SLC20A2: variants seen among roughly 807,000 people sequenced by gnomAD.
SLC20A2 encodes the protein sodium-dependent phosphate transporter 2.
SLC20A2 carries 30 observed loss-of-function variants against 61.0 expected under a neutral mutation model. The ratio of observed to expected loss-of-function variants is 0.49; its 90% confidence interval spans 0.37 to 0.67. The LOEUF is 0.67. Ranked by LOEUF, SLC20A2 falls within the 30% of genes least tolerant of loss-of-function variation. The pLI is 0.00. For synonymous variants in SLC20A2, 351 were observed against 353.3 expected (o/e 0.99, Z 0.07); for missense variants, 626 against 866.4 (o/e 0.72, Z 3.48).
intron 5 of SLC20A2, among the ~76,000 whole-genome samples, chr8:42,447,539 G>T (rs531566646): frequency 6.6e-6 from 1 of 151,878 alleles, no homozygotes; most frequent in Admixed American, 6.6e-5. Context: ...TTAGCCAGGC[G>T]TGGTGGTGGG....
At chr8:42,455,290 A>AGAGAGAGAGAGC (rs1563478498) in intron 5 of SLC20A2, among the ~76,000 whole-genome samples, 12 of 139,624 alleles carry the variant, frequency 8.6e-5, no homozygotes, top group African/African-American at 3.1e-4. Context: ...AGAGAGAGAG[A>AGAGAGAGAGAGC]GAGCGTGCGC....
chr8:42,489,208 G>A (rs1229035669), intron 1 of SLC20A2, among the ~76,000 whole-genome samples: 1 of 151,920 alleles, frequency 6.6e-6, no homozygotes, highest in African/African-American at 2.4e-5. Flanking sequence ...CAAAGTGCTG[G>A]GATTACAGGC....
chr8:42,509,458 G>A (rs1372338081), intron 1 of SLC20A2, among the ~76,000 whole-genome samples: 1 of 152,026 alleles, frequency 6.6e-6, no homozygotes, highest in African/African-American at 2.4e-5. Flanking sequence ...GGCTTAGCCA[G>A]GCACAGTGTC....
At chr8:42,512,976 C>T (rs1811113231) in intron 1 of SLC20A2, among the ~76,000 whole-genome samples, 1 of 152,128 alleles carries the variant, frequency 6.6e-6, no homozygotes, top group Non-Finnish European at 1.5e-5. Context: ...CACAAAACAC[C>T]CCTCAAACAG....
intron 1 of SLC20A2, among the ~76,000 whole-genome samples, chr8:42,488,935 GTT>G (rs34643152): frequency 4.7e-3 from 396 of 83,516 alleles, no homozygotes; most frequent in African/African-American, 0.016. Context: ...TAGGAGTTTT[GTT>G]TTTTTTTTTT....
chr8:42,521,371 A>G (rs1811616577), intron 1 of SLC20A2, among the ~76,000 whole-genome samples: 1 of 121,396 alleles, frequency 8.2e-6, no homozygotes, highest in Non-Finnish European at 2.0e-5. Flanking sequence ...AAGGTTACAG[A>G]TTGCATGATT....
chr8:42,485,727 C>G (rs1041987211), intron 1 of SLC20A2, among the ~76,000 whole-genome samples: 16 of 149,898 alleles, frequency 1.1e-4, no homozygotes, highest in Admixed American at 6.0e-4. Context: ...GCGGGCGGAT[C>G]ACAAGGTCAA....
intron 5 of SLC20A2, among the ~76,000 whole-genome samples, chr8:42,449,940 G>A (rs895143060): frequency 1.7e-4 from 26 of 152,016 alleles, no homozygotes; most frequent in Admixed American, 6.6e-4. Flanking sequence ...AATATGCTGC[G>A]GATATCTTCT....
chr8:42,502,019 A>G (rs1810350455), upstream of SLC20A2, among the ~76,000 whole-genome samples: 1 of 152,248 alleles, frequency 6.6e-6, no homozygotes, highest in South Asian at 2.1e-4. Flanking sequence ...GTATCTACTC[A>G]AGACGGTTTG....
At chr8:42,535,099 T>G (rs1009605964) in intron 1 of SLC20A2, 1 of 152,240 alleles carries the variant, frequency 6.6e-6, no homozygotes, top group Non-Finnish European at 1.5e-5. Flanking sequence ...TTCTAGAATA[T>G]GCCTTTTCTT....
chr8:42,428,865 G>A (rs767644321), intron 9 of SLC20A2, 23 bp from the exon 10 acceptor site: 7 of 1,552,722 alleles, frequency 4.5e-6, no homozygotes, highest in East Asian at 4.8e-5. Context: ...CATGAGACAC[G>A]TCACAGGTGC....
intron 6 of SLC20A2, among the ~76,000 whole-genome samples, chr8:42,441,001 A>T (rs1433729463): frequency 6.6e-6 from 1 of 152,028 alleles, no homozygotes; most frequent in Non-Finnish European, 1.5e-5. Context: ...GGGTTTCACC[A>T]TGTTGGCCAG....
chr8:42,459,741 G>C (rs761879391), intron 5 of SLC20A2, among the ~76,000 whole-genome samples, 155 bp downstream of exon 5: 62 of 152,042 alleles, frequency 4.1e-4, no homozygotes, highest in Non-Finnish European at 6.3e-4. Flanking sequence ...CATGAGTAAC[G>C]CATTTTACTA....
At chr8:42,441,002 T>C (rs562418294) in intron 6 of SLC20A2, among the ~76,000 whole-genome samples, 19 of 152,232 alleles carry the variant, frequency 1.2e-4, no homozygotes, top group African/African-American at 4.1e-4. Flanking sequence ...GGTTTCACCA[T>C]GTTGGCCAGG....
intron 1 of SLC20A2, among the ~76,000 whole-genome samples, chr8:42,473,785 A>G (rs72643218): frequency 0.02 from 3,032 of 152,340 alleles, 45 homozygotes; most frequent in Middle Eastern, 0.054. Flanking sequence ...CACCATATAC[A>G]ATATAATAAT....
chr8:42,462,956 A>T, intron 4 of SLC20A2, 49 bp downstream of exon 4: 1 of 1,158,982 alleles, frequency 8.6e-7, no homozygotes, highest in Non-Finnish European at 1.3e-6. Flanking sequence ...TACTGAGTAG[A>T]GCCAAAAATA....
At chr8:42,436,351 G>A (rs1804252494) in intron 8 of SLC20A2, among the ~76,000 whole-genome samples, 1 of 152,060 alleles carries the variant, frequency 6.6e-6, no homozygotes, top group African/African-American at 2.4e-5. Flanking sequence ...CTGCATCCAG[G>A]GCCTCCGTCA....
At chr8:42,532,326 A>T (rs1377973165) in intron 1 of SLC20A2, among the ~76,000 whole-genome samples, 1 of 152,146 alleles carries the variant, frequency 6.6e-6, no homozygotes, top group Non-Finnish European at 1.5e-5. Context: ...GAGTCCTTTT[A>T]TAGCACTTAC....
At position 42,436,930 on chromosome 8, in the gene SLC20A2, C is replaced by T. The variant is rs542845090; in HGVS notation, c.1523+59G>A. On this transcript the variant is annotated intron_variant, in intron 8 of 10. Coordinates refer to ENST00000520262, the MANE Select transcript of SLC20A2 (RefSeq NM_001257180.2). ...CTGCTGGATCCCGGCACCCGCACAG[C>T]GCTGGCCCCTGGCGGAGCCTCAAGG... 2.6e-3 allele frequency: 3,863 copies of T among 1,473,100 alleles called. 7 individuals carry two copies. Among genetic ancestry groups the T allele is most frequent in the Non-Finnish European group, 3.2e-3 (3,513 of 1,086,300 alleles). 91.3% of individuals were successfully genotyped at this position (1,473,100 alleles called of 1,614,324 possible).
Sources: gnomAD v4.1 joint callset for allele counts (sites outside exome capture counted in the v4.1 genomes callset) on GRCh38, gnomAD v4.1.1 for gene constraint, MANE v1.5 for transcripts, NCBI Gene and HGNC (gene_info 2026-07-23, HGNC 2026-07-21) for gene names.